Variants in SLC35F3 observed in about 807,000 individuals in gnomAD.
The protein encoded by SLC35F3 is putative thiamine transporter SLC35F3.
A neutral mutation model predicts 49.9 loss-of-function variants in SLC35F3; 25 were observed. That is an observed-to-expected ratio of 0.50 (90% CI 0.37 to 0.70). The LOEUF (loss-of-function observed/expected upper bound fraction) is 0.70, where lower values mean the gene tolerates loss of function less well. SLC35F3 is among the 30% of genes least tolerant of loss of function. The probability of loss-of-function intolerance (pLI) is 0.00; values close to 1 mark genes in which losing one functional copy is unlikely to be tolerated. For synonymous variants in SLC35F3, 275 were observed against 265.4 expected (o/e 1.04, Z -0.35); for missense variants, 525 against 639.8 (o/e 0.82, Z 1.94).
At chr1:234,295,392 C>T (rs1050303820) in intron 3 of SLC35F3, among the ~76,000 whole-genome samples, 2 of 152,232 alleles carry the variant, frequency 1.3e-5, no homozygotes, top group African/African-American at 4.8e-5. Context: ...TGCCATTCTG[C>T]CCACGGATGT....
chr1:233,962,941 C>A (rs1662828544), intron 2 of SLC35F3, among the ~76,000 whole-genome samples: 1 of 152,208 alleles, frequency 6.6e-6, no homozygotes, highest in African/African-American at 2.4e-5. Flanking sequence ...ACTTGCATAG[C>A]AAAATGGCTT....
In SLC35F3 at chr1:234,323,271, T is replaced by C. The variant is rs1657675919; in HGVS notation, c.*28T>C. ...CCACTCCTCTAGAACTCGGTGGTAATGACTGGGAGGTCTATTCCTGCCGGG... is the reference window on the plus strand; with the variant it reads ...CCACTCCTCTAGAACTCGGTGGTAACGACTGGGAGGTCTATTCCTGCCGGG... On this transcript the variant is annotated 3_prime_UTR_variant, in exon 8 of 8. Transcript: ENST00000366618. The surrounding 1 kb of genome is among the most constrained non-coding windows in gnomAD (Gnocchi z 4.5). 1 of 1,594,440 alleles carries C rather than the reference T, an allele frequency of 6.3e-7. No homozygotes were observed. The highest frequency in any genetic ancestry group is 1.3e-5 in the African/African-American group (1 of 74,320).
intron 3 of SLC35F3, among the ~76,000 whole-genome samples, chr1:234,294,152 C>T (rs931364736): frequency 6.6e-6 from 1 of 152,218 alleles, no homozygotes; most frequent in Non-Finnish European, 1.5e-5. Flanking sequence ...GCATTGCCTA[C>T]ACATCTGCAT....
At chr1:234,252,494 T>C (rs575133306) in intron 3 of SLC35F3, among the ~76,000 whole-genome samples, 2 of 152,306 alleles carry the variant, frequency 1.3e-5, no homozygotes, top group East Asian at 3.9e-4. Flanking sequence ...AAAATATGTG[T>C]AACGCATATG....
In SLC35F3 at chr1:233,914,754, T is replaced by C. The variant is rs150381646; in HGVS notation, c.283+8996T>C. Among the ~76,000 whole-genome samples, 782 of 152,240 alleles carry C rather than the reference T, an allele frequency of 5.1e-3. 8 individuals are homozygous for C. Among genetic ancestry groups the C allele is most frequent in the African/African-American group, 0.014 (600 of 41,564 alleles). ...TGTCCCACAGCAGGAGGATGAACCA[T>C]ATTTCTTTTTTTTTTGTACATGATG... On this transcript the variant is annotated intron_variant, in intron 2 of 7. Coordinates refer to ENST00000366618, the MANE Select transcript of SLC35F3 (RefSeq NM_173508.4).
intron 2 of SLC35F3, among the ~76,000 whole-genome samples, chr1:234,072,034 A>G (rs937818591): frequency 6.6e-6 from 1 of 152,250 alleles, no homozygotes; most frequent in Non-Finnish European, 1.5e-5. Context: ...CTGAGTGGAA[A>G]TAACTGTTTT....
At chr1:234,237,366 C>A (rs1483029294) in intron 3 of SLC35F3, among the ~76,000 whole-genome samples, 1 of 152,160 alleles carries the variant, frequency 6.6e-6, no homozygotes, top group Non-Finnish European at 1.5e-5. Context: ...CTACATCACA[C>A]TCTTCTGTTG....
chr1:234,108,220 A>T (rs2884406), intron 2 of SLC35F3, among the ~76,000 whole-genome samples: 14,218 of 109,448 alleles, frequency 0.13, 2,011 homozygotes, highest in Non-Finnish European at 0.19. Flanking sequence ...TATATATATA[A>T]AAGATATATA....
chr1:234,176,201 C>T (rs1307545577), intron 2 of SLC35F3, among the ~76,000 whole-genome samples: 1 of 152,202 alleles, frequency 6.6e-6, no homozygotes, highest in Non-Finnish European at 1.5e-5. Flanking sequence ...AAGCCATTCT[C>T]CACACTCTGC....
intron 2 of SLC35F3, among the ~76,000 whole-genome samples, chr1:234,093,098 A>G (rs949086684): frequency 6.6e-6 from 1 of 152,178 alleles, no homozygotes; most frequent in Non-Finnish European, 1.5e-5. Flanking sequence ...TTGGGCCTCA[A>G]TTTCCTAATT....
At position 234,036,325 on chromosome 1, in the gene SLC35F3, C is replaced by G. The variant is rs936132503; in HGVS notation, c.283+130567C>G. 2.6e-5 allele frequency among the ~76,000 whole-genome samples: 4 copies of G among 152,308 alleles called. No individual in the cohort carries two copies. The South Asian group carries it at 8.3e-4, about 32-fold the overall frequency. On this transcript the variant is annotated intron_variant, in intron 2 of 7. Coordinates refer to ENST00000366618, the MANE Select transcript of SLC35F3 (RefSeq NM_173508.4). ...AAGCAATCCTCCCAGCTTAGCGTCC[C>G]AAGTCACTGAGATTACAGGCATGAG...
At chr1:233,981,133 A>G (rs1439819994) in intron 2 of SLC35F3, among the ~76,000 whole-genome samples, 1 of 152,230 alleles carries the variant, frequency 6.6e-6, no homozygotes, top group Non-Finnish European at 1.5e-5. Flanking sequence ...TTACATAACT[A>G]TAGTACAATA....
chr1:234,139,951 T>TAATAAAATAAAATAAATAAAATAA (rs1665868637), intron 2 of SLC35F3, among the ~76,000 whole-genome samples: 9 of 90,580 alleles, frequency 9.9e-5, no homozygotes, highest in South Asian at 7.0e-4. Context: ...CATCTCAAAA[T>TAATAAAATAAAATAAATAAAATAA]AATAAAATAA....
intron 2 of SLC35F3, among the ~76,000 whole-genome samples, chr1:234,168,188 C>T (rs888178515): frequency 2.0e-5 from 3 of 152,238 alleles, no homozygotes; most frequent in Non-Finnish European, 4.4e-5. Context: ...ATGCCAGGGT[C>T]CTGTCTGCAC....
chr1:234,020,570 G>C (rs1056497500), intron 2 of SLC35F3, among the ~76,000 whole-genome samples: 1 of 151,792 alleles, frequency 6.6e-6, no homozygotes, highest in African/African-American at 2.4e-5. Context: ...GATAAATTAG[G>C]TTGCTTAAAG....
At chr1:234,289,071 G>A (rs1334791422) in intron 3 of SLC35F3, among the ~76,000 whole-genome samples, 1 of 152,194 alleles carries the variant, frequency 6.6e-6, no homozygotes, top group Non-Finnish European at 1.5e-5. Context: ...GCACAATTTT[G>A]AGGCAGAGGC....
intron 2 of SLC35F3, among the ~76,000 whole-genome samples, chr1:234,134,171 C>G (rs1665775706): frequency 6.6e-6 from 1 of 151,820 alleles, no homozygotes; most frequent in Admixed American, 6.6e-5. Context: ...ATAGCGATTA[C>G]TATTGTAGGC....
chr1:233,954,594 A>T (rs538244557), intron 2 of SLC35F3, among the ~76,000 whole-genome samples: 1 of 152,208 alleles, frequency 6.6e-6, no homozygotes, highest in East Asian at 1.9e-4. Context: ...GGACAATGAA[A>T]TATATACAGA....
At chr1:234,037,436 A>G (rs1429063548) in intron 2 of SLC35F3, among the ~76,000 whole-genome samples, 1 of 152,200 alleles carries the variant, frequency 6.6e-6, no homozygotes, top group East Asian at 1.9e-4. Context: ...TTGGTATCAC[A>G]TTTTAACATG....
Sources: allele counts gnomAD v4.1 joint callset (sites outside exome capture counted in the v4.1 genomes callset), GRCh38; gene constraint gnomAD v4.1.1; non-coding constraint Gnocchi (gnomAD v3.1); transcripts MANE v1.5; gene names NCBI Gene and HGNC (gene_info 2026-07-23, HGNC 2026-07-21).